The following GALNT2 variants were observed in gnomAD, a reference collection of about 807,000 sequenced individuals.
The protein encoded by GALNT2 is UDP-GalNAc:polypeptide N-acetylgalactosaminyltransferase 2.
In GALNT2, 31 loss-of-function variants were observed where a neutral mutation model predicts 81.4. That is an observed-to-expected ratio of 0.38 (90% confidence interval 0.29 to 0.51). The LOEUF is 0.51. Ranked by LOEUF, GALNT2 falls within the 20% of genes least tolerant of loss-of-function variation. GALNT2 has a pLI of 0.87. For synonymous variants in GALNT2, 303 were observed against 287.4 expected, an observed-to-expected ratio of 1.05 and a Z score of -0.55; for missense variants, 629 against 765.7, an observed-to-expected ratio of 0.82 and a Z score of 2.11.
intron 1 of GALNT2, among the ~76,000 whole-genome samples, chr1:230,157,249 C>T (rs147232557): frequency 1.6e-4 from 24 of 152,258 alleles, no homozygotes; most frequent in Non-Finnish European, 2.6e-4. Flanking sequence ...GTGTCGTAAG[C>T]ACCATTATAG....
chr1:230,157,158 G>A (rs1662282780), intron 1 of GALNT2, among the ~76,000 whole-genome samples: 1 of 152,216 alleles, frequency 6.6e-6, no homozygotes. Context: ...TTTAAAAGCA[G>A]AGAAAACATT....
At position 230,279,953 on chromosome 1, in the gene GALNT2, CCT is replaced by C. The variant is rs1216628910; in HGVS notation, c.*502_*503del. The C allele has an allele frequency of 6.6e-6, 3 of 456,216 alleles. No individual in the cohort carries two copies. Among genetic ancestry groups the C allele is most frequent in the Non-Finnish European group, 1.3e-5 (3 of 227,010 alleles). The allele number at this position is 456,216 out of a possible 1,614,324, so 28.3% of individuals were successfully genotyped here. On this transcript the variant is annotated 3_prime_UTR_variant, in exon 16 of 16. Transcript: ENST00000366672. This position sits in a 1 kb window ranked among gnomAD's most constrained non-coding sequence, Gnocchi z 4.6. ...ACGTGGCAGGTTTACGTCAATAGTC[CCT>C]CTCTCTGCTCCTCCATTCGCAAGTG...
In GALNT2 at chr1:230,170,591, G is replaced by T. The variant is rs369714795; in HGVS notation, c.127-7627G>T. Among the ~76,000 whole-genome samples the T allele has an allele frequency of 4.6e-5, 7 of 152,176 alleles. 1 individual carries two copies. The highest frequency in any genetic ancestry group is 7.2e-5 in the African/African-American group (3 of 41,432). Reference sequence around the variant, plus strand: ...TGGTTTGTTTTACATTGCTATAAAGGAATACCTGAGACTGGGTAATTTAGA... The same window carrying T: ...TGGTTTGTTTTACATTGCTATAAAGTAATACCTGAGACTGGGTAATTTAGA... On this transcript the variant is annotated intron_variant, in intron 1 of 15. Coordinates refer to ENST00000366672, the MANE Select transcript of GALNT2 (RefSeq NM_004481.5).
rs573938667 is a variant in GALNT2 at position 230,256,067 on chromosome 1, C to CT, written c.1136+723_1136+724insT. On this transcript the variant is annotated intron_variant, in intron 11 of 15. Coordinates refer to ENST00000366672, the MANE Select transcript of GALNT2 (RefSeq NM_004481.5). ...AAGAGCAAGAGGGGGCCAAATTCTC[C>CT]CTTTTATAATAGCATCAATCCCCCC... 1.8e-4 allele frequency among the ~76,000 whole-genome samples: 27 copies of CT among 152,226 alleles called. No homozygotes were observed. The South Asian group carries it at 5.4e-3, about 30-fold the overall frequency.
chr1:230,116,251 G>C (rs1660843718), intron 1 of GALNT2, among the ~76,000 whole-genome samples: 1 of 150,934 alleles, frequency 6.6e-6, no homozygotes, highest in South Asian at 2.1e-4. Context: ...TTTTTTTTGA[G>C]ACAGAGTCTC....
At chr1:230,091,071 C>G (rs181627099) in intron 1 of GALNT2, among the ~76,000 whole-genome samples, 1,845 of 148,986 alleles carry the variant, frequency 0.012, 26 homozygotes, top group African/African-American at 0.036. Flanking sequence ...TTGTTTGTTT[C>G]TTTCTTTCTT....
chr1:230,093,363 G>A (rs564317028), intron 1 of GALNT2, among the ~76,000 whole-genome samples: 6 of 151,440 alleles, frequency 4.0e-5, no homozygotes, highest in Non-Finnish European at 5.9e-5. Flanking sequence ...ACACGTGGCC[G>A]TTTATTTAAA....
At chr1:230,204,566 A>G (rs1244618916) in intron 3 of GALNT2, among the ~76,000 whole-genome samples, 5 of 152,174 alleles carry the variant, frequency 3.3e-5, no homozygotes, top group African/African-American at 4.8e-5. Flanking sequence ...AGTATTTGTC[A>G]CCACTTATCA....
chr1:230,215,050 A>C (rs964139128), intron 3 of GALNT2, among the ~76,000 whole-genome samples: 2 of 152,226 alleles, frequency 1.3e-5, no homozygotes, highest in African/African-American at 4.8e-5. Context: ...AAAATAGGGC[A>C]GGTCACCTTA....
At chr1:230,119,319 G>T (rs1326564538) in intron 1 of GALNT2, among the ~76,000 whole-genome samples, 7 of 152,080 alleles carry the variant, frequency 4.6e-5, no homozygotes, top group African/African-American at 1.7e-4. Flanking sequence ...TGGATTTTGT[G>T]GCTTGCGTCT....
Position 230,157,318 on chromosome 1 carries a change from A to G in GALNT2, c.127-20900A>G, listed in dbSNP as rs202081349. On this transcript the variant is annotated intron_variant, in intron 1 of 15. Coordinates refer to ENST00000366672, the MANE Select transcript of GALNT2 (RefSeq NM_004481.5). ...CACCTAGGGGAGTGGCTTTGGGGGG[A>G]AAAAAAGCAAAAATGCCACCAAGTA... is the stretch of plus-strand genomic sequence containing the variant. Among the ~76,000 whole-genome samples, 977 of 152,032 alleles carry G rather than the reference A, an allele frequency of 6.4e-3. 5 individuals carry two copies. Among genetic ancestry groups the G allele is most frequent in the East Asian group, 0.014 (70 of 5,182 alleles).
intron 1 of GALNT2, among the ~76,000 whole-genome samples, chr1:230,165,705 A>G (rs4846919): frequency 0.86 from 130,430 of 152,308 alleles, 55,933 homozygotes; most frequent in East Asian, 0.96. Flanking sequence ...ACTTACAAAT[A>G]AGTGGCGCCA....
At chr1:230,118,149 A>T (rs1014963882) in intron 1 of GALNT2, among the ~76,000 whole-genome samples, 1 of 152,214 alleles carries the variant, frequency 6.6e-6, no homozygotes, top group Non-Finnish European at 1.5e-5. Flanking sequence ...AGGTTCTTCC[A>T]TGTCTTTTCA....
intron 1 of GALNT2, among the ~76,000 whole-genome samples, chr1:230,137,509 A>G (rs1025575431): frequency 6.6e-6 from 1 of 152,236 alleles, no homozygotes; most frequent in Non-Finnish European, 1.5e-5. Context: ...CAGCCAGCCG[A>G]GGCTGTCACA....
At chr1:230,231,376 T>G (rs958516369) in intron 3 of GALNT2, among the ~76,000 whole-genome samples, 1 of 152,186 alleles carries the variant, frequency 6.6e-6, no homozygotes, top group Non-Finnish European at 1.5e-5. Context: ...AAGGGCCCTT[T>G]GCAAAAACAC....
At chr1:230,109,563 C>T (rs1660642201) in intron 1 of GALNT2, among the ~76,000 whole-genome samples, 1 of 152,188 alleles carries the variant, frequency 6.6e-6, no homozygotes, top group Non-Finnish European at 1.5e-5. Flanking sequence ...CGCAGTGGCT[C>T]ACGCATGTAA....
chr1:230,111,231 A>T (rs1366819493), intron 1 of GALNT2, among the ~76,000 whole-genome samples: 2 of 152,158 alleles, frequency 1.3e-5, no homozygotes, highest in Non-Finnish European at 2.9e-5. Flanking sequence ...GCATGCATGT[A>T]CCTACACGTG....
rs142001055 is a variant in GALNT2, at chr1:230,236,130, A to G, written c.473+18A>G. 764 of 1,607,204 alleles carry G rather than the reference A, an allele frequency of 4.8e-4. 2 individuals are homozygous for G. The African/African-American group carries it at 8.9e-3, about 19-fold the overall frequency. Reference sequence around the variant, plus strand: ...GTGGTCAGGTGAGGCCAGGAGATGCATTACCTGTCAGGGGTGTTAAGACAT... The same window carrying G: ...GTGGTCAGGTGAGGCCAGGAGATGCGTTACCTGTCAGGGGTGTTAAGACAT... On this transcript the variant is annotated intron_variant, in intron 4 of 15. Transcript: ENST00000366672.
intron 1 of GALNT2, among the ~76,000 whole-genome samples, chr1:230,166,065 T>G (rs11122450): frequency 0.46 from 69,647 of 151,878 alleles, 18,870 homozygotes; most frequent in Non-Finnish European, 0.61. Flanking sequence ...TTTAAAGTGG[T>G]CTAATAAGCC....
Sources: allele counts gnomAD v4.1 joint callset (sites outside exome capture counted in the v4.1 genomes callset), GRCh38; gene constraint gnomAD v4.1.1; non-coding constraint Gnocchi (gnomAD v3.1); transcripts MANE v1.5; gene names NCBI Gene and HGNC (gene_info 2026-07-23, HGNC 2026-07-21).